STIM1: variants seen among roughly 807,000 people sequenced by gnomAD.
STIM1 encodes the protein stromal interaction molecule 1.
In STIM1, 25 loss-of-function variants were observed where a neutral mutation model predicts 74.7. That is an observed-to-expected ratio of 0.33 (90% CI 0.24 to 0.47). The LOEUF is 0.47. STIM1 is among the 20% of genes least tolerant of loss of function. STIM1 has a pLI of 1.00. For missense variants in STIM1, 728 were observed against 920.8 expected (o/e 0.79, Z 2.71); for synonymous variants, 328 against 348.8 (o/e 0.94, Z 0.66).
At chr11:4,084,066 G>C (rs7104462) in intron 10 of STIM1, among the ~76,000 whole-genome samples, 114,269 of 152,038 alleles carry the variant, frequency 0.75, 45,368 homozygotes, top group South Asian at 0.91. Context: ...GATCCTACCC[G>C]CTCTTCCTCT....
intron 1 of STIM1, among the ~76,000 whole-genome samples, chr11:3,858,682 T>TA (rs1329911809): frequency 2.0e-5 from 3 of 152,202 alleles, no homozygotes; most frequent in Admixed American, 2.0e-4. Context: ...CCTCTCTGTA[T>TA]CCCCAGAACA....
In STIM1 at chr11:4,092,429, C is replaced by CT. The variant is rs2094529858; in HGVS notation, c.*635dup. ...TTCTCAGAGAACAACCCACCAGAGA[C>CT]TTTTAAAGAGAGGCCAGGCTTGGGA... On this transcript the variant is annotated 3_prime_UTR_variant, in exon 13 of 13. Transcript: ENST00000526596. 1.2e-5 allele frequency: 2 copies of CT among 161,668 alleles called. No individual in the cohort carries two copies. Among genetic ancestry groups the CT allele is most frequent in the East Asian group, 1.7e-4 (1 of 5,932 alleles). 10.0% of individuals were successfully genotyped at this position (161,668 alleles called of 1,614,324 possible).
intron 2 of STIM1, among the ~76,000 whole-genome samples, chr11:4,014,978 A>G (rs2093881255): frequency 1.3e-5 from 2 of 152,144 alleles, no homozygotes; most frequent in South Asian, 2.1e-4. Context: ...GAATACAGCT[A>G]CTGATGGGTC....
At chr11:4,083,178 A>G in intron 9 of STIM1, 85 bp from the exon 10 acceptor site, 1 of 1,436,690 alleles carries the variant, frequency 7.0e-7, no homozygotes, top group Non-Finnish European at 9.8e-7. Flanking sequence ...CATATTCTCA[A>G]AACTTGTTCC....
intron 6 of STIM1, among the ~76,000 whole-genome samples, chr11:4,070,857 C>G (rs1245737032): frequency 2.0e-5 from 3 of 152,188 alleles, no homozygotes; most frequent in Non-Finnish European, 4.4e-5. Context: ...GTCAGTCAGT[C>G]AGTCCTGACG....
chr11:3,956,999 G>A (rs1006596229), intron 1 of STIM1, among the ~76,000 whole-genome samples: 7 of 152,168 alleles, frequency 4.6e-5, no homozygotes, highest in South Asian at 2.1e-4. Flanking sequence ...GACTGCTCTC[G>A]TGGACCTTAC....
intron 1 of STIM1, among the ~76,000 whole-genome samples, chr11:3,894,630 T>C (rs150084102): frequency 2.0e-5 from 3 of 152,326 alleles, no homozygotes; most frequent in South Asian, 2.1e-4. Flanking sequence ...ATCCGACATG[T>C]TCCAGACCCA....
intron 2 of STIM1, among the ~76,000 whole-genome samples, chr11:3,991,057 A>G (rs1050215614): frequency 1.3e-5 from 2 of 152,086 alleles, no homozygotes; most frequent in African/African-American, 2.4e-5. Flanking sequence ...AGAACATGCA[A>G]TATCTGGTTT....
At chr11:3,929,592 A>G (rs1019700949) in intron 1 of STIM1, among the ~76,000 whole-genome samples, 14 of 152,182 alleles carry the variant, frequency 9.2e-5, no homozygotes, top group Non-Finnish European at 1.8e-4. Context: ...ATTTGTGAGC[A>G]AGTTCATCAA....
At chr11:3,974,762 C>A (rs2093430260) in intron 2 of STIM1, among the ~76,000 whole-genome samples, 1 of 151,886 alleles carries the variant, frequency 6.6e-6, no homozygotes, top group Non-Finnish European at 1.5e-5. Context: ...ACCAGGCTGG[C>A]AGTATGAGAA....
At chr11:3,882,310 G>T (rs574892609) in intron 1 of STIM1, among the ~76,000 whole-genome samples, 2 of 151,804 alleles carry the variant, frequency 1.3e-5, no homozygotes, top group African/African-American at 2.4e-5. Context: ...TGTTGGCCAG[G>T]CTGGTCTTGA....
chr11:3,895,612 T>TC (rs2092046033), intron 1 of STIM1, among the ~76,000 whole-genome samples: 6 of 32,324 alleles, frequency 1.9e-4, no homozygotes, highest in Non-Finnish European at 3.1e-4. Context: ...TTCTCTCTCT[T>TC]TCTTTCTTTC....
chr11:4,059,467 G>T, intron 5 of STIM1, 71 bp downstream of exon 5: 1 of 1,350,490 alleles, frequency 7.4e-7, no homozygotes, highest in Non-Finnish European at 1.1e-6. Flanking sequence ...ATAGGCTAAG[G>T]CTAAGGCTCT....
rs183216112 is a variant in STIM1, at chr11:4,017,143, G to A, written c.271-6730G>A. The stretch of plus-strand genomic sequence containing the variant: ...TCAGTTGGGAATGCAGAAATCACCC[G>A]TCTTCTGCATTGATCTCACTGGGAG... On this transcript the variant is annotated intron_variant, in intron 2 of 12. Transcript: ENST00000526596. Among the ~76,000 whole-genome samples the A allele has an allele frequency of 4.4e-3, 670 of 152,274 alleles. 5 individuals carry two copies. Among genetic ancestry groups the A allele is most frequent in the African/African-American group, 0.015 (635 of 41,550 alleles).
intron 3 of STIM1, among the ~76,000 whole-genome samples, chr11:4,035,199 G>T (rs917531738): frequency 3.9e-4 from 58 of 150,350 alleles, no homozygotes; most frequent in African/African-American, 1.3e-3. Context: ...TTCTAATACA[G>T]AATTTAGTGC....
intron 2 of STIM1, among the ~76,000 whole-genome samples, chr11:4,009,029 C>T (rs547920244): frequency 6.0e-4 from 91 of 152,204 alleles, no homozygotes; most frequent in African/African-American, 2.1e-3. Flanking sequence ...CGGTGGCTCA[C>T]GCCTGTAATC....
intron 1 of STIM1, among the ~76,000 whole-genome samples, chr11:3,864,077 C>T (rs998719480): frequency 6.6e-6 from 1 of 151,892 alleles, no homozygotes; most frequent in African/African-American, 2.4e-5. Context: ...TCTGGTGTGG[C>T]CAAACCAGGC....
intron 2 of STIM1, among the ~76,000 whole-genome samples, chr11:3,974,754 C>G (rs1215421073): frequency 6.6e-6 from 1 of 151,988 alleles, no homozygotes; most frequent in African/African-American, 2.4e-5. Context: ...GGAGTTCTAC[C>G]AGGCTGGCAG....
chr11:3,898,899 T>G (rs1409010172), intron 1 of STIM1, among the ~76,000 whole-genome samples: 1 of 151,880 alleles, frequency 6.6e-6, no homozygotes, highest in Admixed American at 6.6e-5. Context: ...ACCAGTACCA[T>G]GCTGTTTTGG....
Sources: allele counts gnomAD v4.1 joint callset (sites outside exome capture counted in the v4.1 genomes callset), GRCh38; gene constraint gnomAD v4.1.1; transcripts MANE v1.5; gene names NCBI Gene and HGNC (gene_info 2026-07-23, HGNC 2026-07-21).